Variants in AKAP10 observed in about 807,000 individuals in gnomAD.
AKAP10 encodes A-kinase anchor protein 10, mitochondrial.
Under a neutral mutation model 80.8 loss-of-function variants are expected in AKAP10, and 24 were observed. The observed-to-expected ratio is 0.30, with a 90% CI of 0.22 to 0.42. The LOEUF (loss-of-function observed/expected upper bound fraction) is 0.42, where lower values mean the gene tolerates loss of function less well. AKAP10 is among the 10% of genes least tolerant of loss of function. AKAP10 has a pLI of 1.00. For missense variants in AKAP10, 661 were observed against 794.9 expected, an observed-to-expected ratio of 0.83 and a Z score of 2.03; for synonymous variants, 291 against 277.7, an observed-to-expected ratio of 1.05 and a Z score of -0.48.
At chr17:19,939,954 A>G (rs1156722439) in intron 7 of AKAP10, 105 bp from the exon 8 acceptor site, 2 of 1,263,836 alleles carry the variant, frequency 1.6e-6, no homozygotes, top group Admixed American at 2.9e-5. Flanking sequence ...TAAGCAAAAA[A>G]CAAAAAGATC....
chr17:19,914,874 A>C (rs1280855493), intron 12 of AKAP10, among the ~76,000 whole-genome samples: 2 of 152,084 alleles, frequency 1.3e-5, no homozygotes, highest in African/African-American at 2.4e-5. Context: ...AGATAGTCCA[A>C]TGAGAGCTCA....
Position 19,977,774 on chromosome 17 carries a change from G to A in AKAP10, c.-95C>T. The A allele has an allele frequency of 1.4e-6, 1 of 737,358 alleles. No homozygotes were observed. The highest frequency in any genetic ancestry group is 1.9e-6 in the Non-Finnish European group (1 of 534,486). 45.7% of individuals were successfully genotyped at this position (737,358 alleles called of 1,614,324 possible). A position where few individuals can be genotyped will look rare whatever the true frequency, so the allele number is the denominator to read the frequency against. On this transcript the variant is annotated 5_prime_UTR_variant, in exon 1 of 15. Coordinates refer to ENST00000225737, the MANE Select transcript of AKAP10 (RefSeq NM_007202.4). ...GGGAGTGGGCCCCACCGCCTCCTCG[G>A]GATGCCCAGGCAGCTCCAGCCGCCA...
chr17:19,928,397 T>C (rs1248492079), intron 10 of AKAP10, among the ~76,000 whole-genome samples: 1 of 152,200 alleles, frequency 6.6e-6, no homozygotes, highest in Non-Finnish European at 1.5e-5. Context: ...ATGACTATCA[T>C]TTTTAAAAAC....
At chr17:19,951,326 C>G (rs1221512852) in intron 4 of AKAP10, among the ~76,000 whole-genome samples, 5 of 151,232 alleles carry the variant, frequency 3.3e-5, no homozygotes, top group Non-Finnish European at 7.4e-5. Context: ...GTGGGGGGCG[C>G]CTCTGCCCGG....
intron 12 of AKAP10, among the ~76,000 whole-genome samples, chr17:19,917,977 T>C (rs768259016): frequency 2.0e-5 from 3 of 152,072 alleles, no homozygotes; most frequent in Non-Finnish European, 2.9e-5. Context: ...TCTCAGCACT[T>C]TGGGAGGCCG....
chr17:19,970,340 C>A (rs556819086), intron 1 of AKAP10, among the ~76,000 whole-genome samples: 1 of 152,182 alleles, frequency 6.6e-6, no homozygotes, highest in Non-Finnish European at 1.5e-5. Context: ...ACTTTTACCA[C>A]CTAAAAACAT....
At chr17:19,920,780 T>A (rs2042801364) in intron 11 of AKAP10, among the ~76,000 whole-genome samples, 1 of 140,852 alleles carries the variant, frequency 7.1e-6, no homozygotes, top group African/African-American at 2.7e-5. Flanking sequence ...GAGGTAGAGG[T>A]TGCAGTTGCA....
intron 12 of AKAP10, 145 bp downstream of exon 12, chr17:19,919,891 T>C: frequency 1.7e-6 from 1 of 604,844 alleles, no homozygotes; most frequent in South Asian, 2.7e-5. Context: ...GAAGCCCTTG[T>C]ACTTACTTCT....
chr17:19,914,539 G>A (rs1258857055), intron 12 of AKAP10, among the ~76,000 whole-genome samples: 1 of 150,572 alleles, frequency 6.6e-6, no homozygotes, highest in Admixed American at 6.7e-5. Flanking sequence ...CTACTCGAGA[G>A]GCTGAGGTGA....
chr17:19,941,353 G>T (rs1233081639), intron 6 of AKAP10, among the ~76,000 whole-genome samples: 1 of 152,110 alleles, frequency 6.6e-6, no homozygotes, highest in Non-Finnish European at 1.5e-5. Flanking sequence ...TTAAGTGAAA[G>T]AATGAATAGA....
chr17:19,921,480 A>T (rs1308657822), intron 11 of AKAP10, among the ~76,000 whole-genome samples: 1 of 152,000 alleles, frequency 6.6e-6, no homozygotes, highest in East Asian at 1.9e-4. Flanking sequence ...TTCTTATTAA[A>T]GACTGGTGAG....
chr17:19,972,686 A>C (rs1295476308), intron 1 of AKAP10, among the ~76,000 whole-genome samples: 1 of 152,146 alleles, frequency 6.6e-6, no homozygotes. Flanking sequence ...CAATCTCCTG[A>C]CCTGGTGATC....
In AKAP10 at chr17:19,905,169, CTG is replaced by C. The variant is rs1212166249; in HGVS notation, c.*1056_*1057del. ...ACCAACTGGGCAGTCCTGCTGATGG[CTG>C]TGTGATCCCGATGCAGAAGCCAACT... is the stretch of plus-strand genomic sequence containing the variant. On this transcript the variant is annotated 3_prime_UTR_variant, in exon 15 of 15. Coordinates refer to ENST00000225737, the MANE Select transcript of AKAP10 (RefSeq NM_007202.4). 1.3e-5 allele frequency: 2 copies of C among 152,032 alleles called. No homozygotes were observed. The highest frequency in any genetic ancestry group is 6.6e-5 in the Admixed American group (1 of 15,254). 9.4% of individuals were successfully genotyped at this position (152,032 alleles called of 1,614,324 possible). A position where few individuals can be genotyped will look rare whatever the true frequency, so the allele number is the denominator to read the frequency against.
intron 5 of AKAP10, among the ~76,000 whole-genome samples, chr17:19,946,497 C>T (rs1159093096): frequency 6.7e-6 from 1 of 149,134 alleles, no homozygotes; most frequent in African/African-American, 2.5e-5. Context: ...ATTTATCCCA[C>T]AAAGTTCTTT....
intron 8 of AKAP10, 31 bp downstream of exon 8, chr17:19,939,682 T>A: frequency 6.2e-7 from 1 of 1,602,094 alleles, no homozygotes. Flanking sequence ...TCAATAAGTA[T>A]CTGCTGAATC....
chr17:19,968,458 T>C lies in AKAP10; in HGVS notation c.92A>G (p.Lys31Arg). The part of the protein sequence containing the change: ...PAMSFFRRKV[K>R]GKEQEKTSDV... ...TGAGGTCTTCTCTTGTTCTTTGCCTTTCACTAGAACATAAAAAGATAATTA... is the reference window on the plus strand; with the variant it reads ...TGAGGTCTTCTCTTGTTCTTTGCCTCTCACTAGAACATAAAAAGATAATTA... Residue 31 changes from lysine (K) to arginine (R), a missense_variant, in exon 2 of 15, where the codon AAA (lysine) becomes AGA (arginine). Physicochemically the swap from Lys to Arg is conservative, Grantham distance 26 (BLOSUM62 2). Coordinates refer to ENST00000225737, the MANE Select transcript of AKAP10 (RefSeq NM_007202.4). 1 of 1,613,664 alleles carries C rather than the reference T, an allele frequency of 6.2e-7. No homozygotes were observed. Among genetic ancestry groups the C allele is most frequent in the Non-Finnish European group, 8.5e-7 (1 of 1,179,698 alleles).
In AKAP10 at chr17:19,958,146, G is replaced by A. The variant is rs763527725; in HGVS notation, c.745C>T (p.Arg249Cys). The A allele has an allele frequency of 1.5e-5, 25 of 1,613,988 alleles. No homozygotes were observed. The South Asian group carries it at 1.8e-4, about 11-fold the overall frequency. Residue 249 changes from arginine (R) to cysteine (C), a missense_variant, in exon 4 of 15, where the codon CGT (arginine) becomes TGT (cysteine). Physicochemically the swap from Arg to Cys is radical, Grantham distance 180 (BLOSUM62 -3). Transcript: ENST00000225737. Reference protein sequence around the residue: ...SQECDSAHSLRLEMARAGTHQ... With the variant: ...SQECDSAHSLCLEMARAGTHQ... The stretch of plus-strand genomic sequence containing the variant: ...GTTCCTGCTCTGGCCATTTCAAGAC[G>A]GAGAGAATGGGCACTGTCACATTCC...
In AKAP10 at chr17:19,930,459, G is replaced by A. The variant is rs112148487; in HGVS notation, c.1641+1346C>T. ...GTCAAGGAAATGCACAATGTGGCAC[G>A]GTAATGCAAAACGAAATCAAAAGGC... On this transcript the variant is annotated intron_variant, in intron 10 of 14. Coordinates refer to ENST00000225737, the MANE Select transcript of AKAP10 (RefSeq NM_007202.4). 7.1e-3 allele frequency among the ~76,000 whole-genome samples: 1,086 copies of A among 152,164 alleles called. 7 individuals are homozygous for A. Among genetic ancestry groups the A allele is most frequent in the African/African-American group, 0.02 (819 of 41,522 alleles).
intron 8 of AKAP10, 144 bp from the exon 9 acceptor site, chr17:19,936,574 G>A (rs970509280): frequency 2.5e-6 from 2 of 784,540 alleles, no homozygotes; most frequent in African/African-American, 1.7e-5. Context: ...TGACAGTGCT[G>A]ATGTAACCTT....
Sources: allele counts gnomAD v4.1 joint callset (sites outside exome capture counted in the v4.1 genomes callset), GRCh38; gene constraint gnomAD v4.1.1; transcripts MANE v1.5; gene names NCBI Gene and HGNC (gene_info 2026-07-23, HGNC 2026-07-21).